ARHGAP20: variants seen among roughly 807,000 people sequenced by gnomAD.
ARHGAP20 encodes the protein rho GTPase-activating protein 20.
A neutral mutation model predicts 73.7 loss-of-function variants in ARHGAP20; 34 were observed. The ratio of observed to expected loss-of-function variants is 0.46; its 90% CI spans 0.35 to 0.61. The LOEUF is 0.61. Ranked by LOEUF, ARHGAP20 falls within the 20% of genes least tolerant of loss-of-function variation. ARHGAP20 has a pLI of 0.00. For synonymous variants in ARHGAP20, 523 were observed against 518.2 expected (o/e 1.01, Z -0.13); for missense variants, 1,314 against 1,420.9 (o/e 0.92, Z 1.21).
At chr11:110,706,461 C>G (rs777909056) in intron 1 of ARHGAP20, among the ~76,000 whole-genome samples, 2 of 152,138 alleles carry the variant, frequency 1.3e-5, no homozygotes, top group South Asian at 4.1e-4. Context: ...TATTTTTATT[C>G]AAGTTCCTCC....
At chr11:110,584,278 T>C (rs2134790809) in intron 12 of ARHGAP20, among the ~76,000 whole-genome samples, 1 of 152,326 alleles carries the variant, frequency 6.6e-6, no homozygotes, top group South Asian at 2.1e-4. Context: ...TGTTTCATTG[T>C]ATCACTTTCA....
At chr11:110,584,214 T>C (rs4312034) in intron 12 of ARHGAP20, among the ~76,000 whole-genome samples, 4,598 of 152,272 alleles carry the variant, frequency 0.03, 235 homozygotes, top group African/African-American at 0.1. Flanking sequence ...CAGGTCCATT[T>C]TGAGAGCTTA....
intron 2 of ARHGAP20, among the ~76,000 whole-genome samples, chr11:110,648,228 T>TATATATATGTAAATATATATATGTAA (rs1444450657): frequency 1.2e-5 from 1 of 81,814 alleles, no homozygotes; most frequent in Non-Finnish European, 2.4e-5. Flanking sequence ...TATGTATATA[T>TATATATATGTAAATATATATATGTAA]ATATATATGT....
intron 2 of ARHGAP20, among the ~76,000 whole-genome samples, chr11:110,661,600 ATTC>A (rs1430479899): frequency 1.3e-5 from 2 of 152,122 alleles, no homozygotes; most frequent in Non-Finnish European, 2.9e-5. Context: ...GCACTGATGA[ATTC>A]TTATTTTTAT....
chr11:110,657,238 C>T (rs1187057242), intron 2 of ARHGAP20, among the ~76,000 whole-genome samples: 1 of 151,962 alleles, frequency 6.6e-6, no homozygotes, highest in Non-Finnish European at 1.5e-5. Flanking sequence ...GTTGTTAAGT[C>T]CATTCCAGTT....
chr11:110,676,770 G>T (rs998892928), intron 2 of ARHGAP20, among the ~76,000 whole-genome samples: 34 of 151,412 alleles, frequency 2.2e-4, no homozygotes, highest in Non-Finnish European at 5.9e-5. Context: ...TGAAAAGTAG[G>T]TATTCTATAA....
chr11:110,689,976 T>A (rs983977974), intron 2 of ARHGAP20, among the ~76,000 whole-genome samples: 2 of 148,714 alleles, frequency 1.3e-5, no homozygotes, highest in South Asian at 2.2e-4. Context: ...AAAAAAAAAA[T>A]GTCTATTTCA....
At chr11:110,584,094 CA>C (rs1203950010) in intron 12 of ARHGAP20, among the ~76,000 whole-genome samples, 2 of 152,030 alleles carry the variant, frequency 1.3e-5, no homozygotes, top group African/African-American at 4.8e-5. Context: ...CCAAAAACAA[CA>C]AAAAGCTTTC....
intron 1 of ARHGAP20, among the ~76,000 whole-genome samples, chr11:110,706,304 C>G (rs1191399054): frequency 6.6e-6 from 1 of 152,132 alleles, no homozygotes; most frequent in African/African-American, 2.4e-5. Context: ...ACTTACTACA[C>G]TGAAGCCTTG....
chr11:110,712,073 C>T (rs1950674232), intron 1 of ARHGAP20, 54 bp downstream of exon 1: 3 of 1,252,760 alleles, frequency 2.4e-6, no homozygotes, highest in Admixed American at 4.3e-5. Context: ...GGGCGCGCGC[C>T]GGCAGTGGGG....
intron 1 of ARHGAP20, among the ~76,000 whole-genome samples, chr11:110,705,007 T>C (rs972660096): frequency 2.6e-5 from 4 of 152,220 alleles, no homozygotes; most frequent in Admixed American, 2.0e-4. Flanking sequence ...TGATATTATA[T>C]ACCTATTTTT....
At chr11:110,670,433 T>C (rs1160422387) in intron 2 of ARHGAP20, among the ~76,000 whole-genome samples, 1 of 152,014 alleles carries the variant, frequency 6.6e-6, no homozygotes, top group Non-Finnish European at 1.5e-5. Context: ...ATAATTAAAA[T>C]ATTATGCATA....
intron 9 of ARHGAP20, among the ~76,000 whole-genome samples, chr11:110,596,855 G>A (rs538582668): frequency 7.9e-5 from 12 of 152,084 alleles, no homozygotes; most frequent in Middle Eastern, 3.4e-3. Flanking sequence ...TGTTTATTGC[G>A]GCACTATTCA....
chr11:110,583,756 C>T lies in ARHGAP20; in HGVS notation c.1416-19G>A. 1.3e-6 allele frequency: 2 copies of T among 1,521,320 alleles called. No homozygotes were observed. The highest frequency in any genetic ancestry group is 1.8e-6 in the Non-Finnish European group (2 of 1,129,842). 94.2% of individuals were successfully genotyped at this position (1,521,320 alleles called of 1,614,324 possible). On this transcript the variant is annotated intron_variant, in intron 12 of 14. Coordinates refer to ENST00000683387, the MANE Select transcript of ARHGAP20 (RefSeq NM_001384657.1). ...TAATAGCCTAAAGACAGAAAAATTA[C>T]TCTTTAAGCAAGACATTTCATTCAA... is the stretch of plus-strand genomic sequence containing the variant.
intron 2 of ARHGAP20, among the ~76,000 whole-genome samples, chr11:110,660,371 T>A (rs1337654217): frequency 6.6e-6 from 1 of 152,126 alleles, no homozygotes; most frequent in Non-Finnish European, 1.5e-5. Context: ...CAGAAAGAAC[T>A]GTGTGAACCA....
chr11:110,609,254 A>C (rs528170234), intron 7 of ARHGAP20, among the ~76,000 whole-genome samples: 1 of 152,236 alleles, frequency 6.6e-6, no homozygotes, highest in South Asian at 2.1e-4. Context: ...CCCTTTATAA[A>C]GGAAAAACAA....
chr11:110,599,722 T>A (rs1362684742), intron 9 of ARHGAP20, among the ~76,000 whole-genome samples: 2 of 152,104 alleles, frequency 1.3e-5, no homozygotes, highest in African/African-American at 4.8e-5. Context: ...ACCCCTAGGC[T>A]CAGCCAGAGC....
At chr11:110,638,321 T>G (rs956562138) in intron 2 of ARHGAP20, among the ~76,000 whole-genome samples, 1 of 151,918 alleles carries the variant, frequency 6.6e-6, no homozygotes, top group Non-Finnish European at 1.5e-5. Context: ...TAAGCAAATA[T>G]TCAAAAATTA....
chr11:110,607,729 C>T (rs773588331), intron 8 of ARHGAP20, among the ~76,000 whole-genome samples: 6 of 152,108 alleles, frequency 3.9e-5, no homozygotes, highest in Non-Finnish European at 5.9e-5. Context: ...ATCAAAACAG[C>T]CGGCAGCTAA....
Sources: allele counts gnomAD v4.1 joint callset (sites outside exome capture counted in the v4.1 genomes callset), GRCh38; gene constraint gnomAD v4.1.1; transcripts MANE v1.5; gene names NCBI Gene and HGNC (gene_info 2026-07-23, HGNC 2026-07-21).